TRERF1: variants seen among roughly 807,000 people sequenced by gnomAD.
TRERF1 encodes transcriptional regulating factor 1.
A neutral mutation model predicts 122.9 loss-of-function variants in TRERF1; 27 were observed. The ratio of observed to expected loss-of-function variants is 0.22; its 90% CI spans 0.16 to 0.30. TRERF1 has a LOEUF of 0.30. Ranked by LOEUF, TRERF1 falls within the 10% of genes least tolerant of loss-of-function variation. The probability of loss-of-function intolerance (pLI) is 1.00; values close to 1 mark genes in which losing one functional copy is unlikely to be tolerated. For missense variants in TRERF1, 1,248 were observed against 1,560.3 expected (o/e 0.80, Z 3.37); for synonymous variants, 636 against 641.7 (o/e 0.99, Z 0.13).
At chr6:42,407,662 C>T (rs191315536) in intron 2 of TRERF1, among the ~76,000 whole-genome samples, 45 of 152,128 alleles carry the variant, frequency 3.0e-4, no homozygotes, top group African/African-American at 9.4e-4. Context: ...TTCCCAGTGC[C>T]GTCTCTCCAC....
At chr6:42,348,624 T>C (rs12193143) in intron 3 of TRERF1, among the ~76,000 whole-genome samples, 21,437 of 152,146 alleles carry the variant, frequency 0.14, 1,885 homozygotes, top group Middle Eastern at 0.29. Flanking sequence ...GAACACTCCA[T>C]AACTCAGAGA....
chr6:42,278,225 T>A (rs182243946), intron 4 of TRERF1, among the ~76,000 whole-genome samples: 194 of 152,310 alleles, frequency 1.3e-3, no homozygotes, highest in Non-Finnish European at 1.0e-3. Flanking sequence ...GACGACTGTT[T>A]AGGGGGCAAA....
Position 42,263,126 on chromosome 6 carries a change from T to C in TRERF1, c.1884+194A>G, listed in dbSNP as rs1033056601. 2.0e-4 allele frequency: 256 copies of C among 1,307,232 alleles called. No individual in the cohort carries two copies. Among genetic ancestry groups the C allele is most frequent in the Non-Finnish European group, 2.4e-4 (247 of 1,027,802 alleles). The allele number at this position is 1,307,232 out of a possible 1,614,324, so 81.0% of individuals were successfully genotyped here. ...GTGTGAACAAGGGTAGGGTTCCCAA[T>C]GTGGCCACGGGTTCAGCCCTGAGAG... On this transcript the variant is annotated intron_variant, in intron 8 of 17. Coordinates refer to ENST00000372922, the Ensembl canonical transcript of TRERF1. This position sits in a 1 kb window ranked among gnomAD's most constrained non-coding sequence, Gnocchi z 5.6.
At chr6:42,270,027 T>C (rs1779919950) in intron 4 of TRERF1, among the ~76,000 whole-genome samples, 179 bp from the exon 5 acceptor site, 1 of 152,174 alleles carries the variant, frequency 6.6e-6, no homozygotes, top group African/African-American at 2.4e-5. Context: ...GTCTCAAAAA[T>C]GTTTTTAAAT....
chr6:42,347,079 C>A (rs1307967827), intron 3 of TRERF1, among the ~76,000 whole-genome samples: 1 of 152,222 alleles, frequency 6.6e-6, no homozygotes, highest in Non-Finnish European at 1.5e-5. Flanking sequence ...TATCAGCCAT[C>A]CAGTTGGGAG....
chr6:42,234,470 T>C (rs1036657930), intron 16 of TRERF1, among the ~76,000 whole-genome samples: 1 of 152,064 alleles, frequency 6.6e-6, no homozygotes, highest in African/African-American at 2.4e-5. Flanking sequence ...CCCAAGTAGC[T>C]GGGACTACAG....
At chr6:42,311,328 G>A (rs995294218) in intron 3 of TRERF1, among the ~76,000 whole-genome samples, 5 of 152,118 alleles carry the variant, frequency 3.3e-5, no homozygotes, top group African/African-American at 9.7e-5. Context: ...AAATGAACTG[G>A]CTGAACCAGG....
Position 42,243,201 on chromosome 6 carries a change from G to GA in TRERF1, c.2859+46_2859+47insT, listed in dbSNP as rs201745064. ...CAGCTACTTACTAACCTGGGCCTGG[G>GA]GTGGGAGCTGTCCCAGCACAAGCAA... On this transcript the variant is annotated intron_variant, in intron 15 of 17. Transcript: ENST00000372922. 2,297 of 1,519,132 alleles carry GA rather than the reference G, an allele frequency of 1.5e-3. 25 individuals carry two copies. The African/African-American group carries it at 0.026, about 17-fold the overall frequency. 94.1% of individuals were successfully genotyped at this position (1,519,132 alleles called of 1,614,324 possible). A position where few individuals can be genotyped will look rare whatever the true frequency, so the allele number is the denominator to read the frequency against.
chr6:42,396,367 G>A (rs1194388739), intron 2 of TRERF1, among the ~76,000 whole-genome samples: 1 of 150,212 alleles, frequency 6.7e-6, no homozygotes, highest in Non-Finnish European at 1.5e-5. Context: ...TCAAAGCCCA[G>A]AATGCCCCAC....
chr6:42,437,919 A>G (rs1785738190), intron 2 of TRERF1, among the ~76,000 whole-genome samples: 1 of 151,726 alleles, frequency 6.6e-6, no homozygotes, highest in Non-Finnish European at 1.5e-5. Context: ...TTATTTATTT[A>G]TTTATTTATT....
At chr6:42,293,342 T>C (rs1391653535) in intron 4 of TRERF1, among the ~76,000 whole-genome samples, 1 of 152,172 alleles carries the variant, frequency 6.6e-6, no homozygotes, top group Non-Finnish European at 1.5e-5. Flanking sequence ...TCACACATCC[T>C]GGTAGAAGCC....
chr6:42,373,484 A>G (rs1206152575), intron 2 of TRERF1, among the ~76,000 whole-genome samples: 1 of 151,744 alleles, frequency 6.6e-6, no homozygotes, highest in African/African-American at 2.4e-5. Context: ...TGGCAAACAC[A>G]GTGAAACCCC....
intron 3 of TRERF1, among the ~76,000 whole-genome samples, chr6:42,318,551 G>T (rs142257524): frequency 2.0e-5 from 3 of 152,228 alleles, no homozygotes; most frequent in Non-Finnish European, 4.4e-5. Flanking sequence ...TAAAGGAAAT[G>T]TGGGTTAGGT....
intron 12 of TRERF1, among the ~76,000 whole-genome samples, chr6:42,255,720 A>T (rs986356034): frequency 2.6e-5 from 4 of 152,248 alleles, no homozygotes; most frequent in African/African-American, 9.6e-5. Flanking sequence ...AGGGTATCAT[A>T]GTATTGGGAC....
intron 15 of TRERF1, among the ~76,000 whole-genome samples, chr6:42,237,882 C>A (rs1032202489): frequency 2.0e-5 from 3 of 152,216 alleles, no homozygotes; most frequent in African/African-American, 7.2e-5. Flanking sequence ...TACATGTATA[C>A]TTGCGATGCA....
intron 3 of TRERF1, among the ~76,000 whole-genome samples, chr6:42,336,347 C>T (rs1206361868): frequency 3.9e-5 from 6 of 152,166 alleles, no homozygotes; most frequent in Non-Finnish European, 4.4e-5. Flanking sequence ...CCATCCCCGA[C>T]CATCATGCCT....
chr6:42,228,078 G>A lies in TRERF1; in HGVS notation c.*267C>T, dbSNP rs1366734311. On this transcript the variant is annotated 3_prime_UTR_variant, in exon 18 of 18. Transcript: ENST00000372922. This position sits in a 1 kb window ranked among gnomAD's most constrained non-coding sequence, Gnocchi z 4.2. ...ATGAAGGTCAGCTTCAGTCCCTACT[G>A]GGAATGATTTCATGAGAAGGTAGCC... 6 of 354,174 alleles carry A rather than the reference G, an allele frequency of 1.7e-5. No individual in the cohort carries two copies. Among genetic ancestry groups the A allele is most frequent in the Non-Finnish European group, 2.5e-5 (5 of 196,650 alleles). The allele number at this position is 354,174 out of a possible 1,614,324, so 21.9% of individuals were successfully genotyped here.
chr6:42,333,874 C>T lies in TRERF1; in HGVS notation c.-371+29123G>A, dbSNP rs118035011. The stretch of plus-strand genomic sequence containing the variant: ...AATCCCAACGGCCACATCCGACCAC[C>T]TTCTGGTCATCAAGAAATGGAAAAT... On this transcript the variant is annotated intron_variant, in intron 3 of 17. Coordinates refer to ENST00000372922, the Ensembl canonical transcript of TRERF1. 9.2e-5 allele frequency among the ~76,000 whole-genome samples: 14 copies of T among 152,284 alleles called. No homozygotes were observed. In the East Asian group the frequency reaches 2.5e-3, roughly 27 times the overall value.
At chr6:42,230,910 T>A (rs1463992301) in intron 17 of TRERF1, among the ~76,000 whole-genome samples, 2 of 152,214 alleles carry the variant, frequency 1.3e-5, no homozygotes, top group Non-Finnish European at 2.9e-5. Flanking sequence ...CCCACTAGGC[T>A]GCTCGCTGTG....
Sources: gnomAD v4.1 joint callset for allele counts (sites outside exome capture counted in the v4.1 genomes callset) on GRCh38, gnomAD v4.1.1 for gene constraint, Gnocchi (gnomAD v3.1) non-coding constraint, MANE v1.5 for transcripts, NCBI Gene and HGNC (gene_info 2026-07-23, HGNC 2026-07-21) for gene names.